Variants in CACNA1C observed in about 807,000 individuals in gnomAD.
The protein encoded by CACNA1C is voltage-dependent L-type calcium channel subunit alpha-1C.
A neutral mutation model predicts 229.0 loss-of-function variants in CACNA1C; 30 were observed. The observed-to-expected ratio is 0.13, with a 90% CI of 0.10 to 0.18. The LOEUF (loss-of-function observed/expected upper bound fraction) is 0.18, where lower values mean the gene tolerates loss of function less well. CACNA1C is among the 10% of genes least tolerant of loss of function. The pLI, the probability that CACNA1C is intolerant of heterozygous loss-of-function variation, is 1.00. For missense variants in CACNA1C, 1,658 were observed against 2,845.0 expected (o/e 0.58, Z 9.49); for synonymous variants, 1,114 against 1,132.5 (o/e 0.98, Z 0.33).
intron 3 of CACNA1C, among the ~76,000 whole-genome samples, chr12:2,262,399 G>A (rs754040761): frequency 1.3e-5 from 2 of 152,212 alleles, no homozygotes. Flanking sequence ...CTGTTTTCTT[G>A]TTCATCTCCC....
chr12:2,420,904 C>G (rs1278809489), intron 3 of CACNA1C, among the ~76,000 whole-genome samples: 1 of 152,204 alleles, frequency 6.6e-6, no homozygotes, highest in Admixed American at 6.5e-5. Flanking sequence ...CCCCGAATGT[C>G]CTTGGGGGTG....
intron 29 of CACNA1C, among the ~76,000 whole-genome samples, chr12:2,620,545 G>A (rs57714812): frequency 0.02 from 3,065 of 152,292 alleles, 108 homozygotes; most frequent in African/African-American, 0.07. Flanking sequence ...CTTCTCTGAG[G>A]CCCCTTGCCG....
chr12:2,427,895 C>T (rs936218383), intron 3 of CACNA1C, among the ~76,000 whole-genome samples: 3 of 152,170 alleles, frequency 2.0e-5, no homozygotes, highest in African/African-American at 4.8e-5. Context: ...GCTGGGATTA[C>T]AGGCGTGAGC....
intron 3 of CACNA1C, among the ~76,000 whole-genome samples, chr12:2,372,937 C>G (rs2097910759): frequency 6.6e-6 from 1 of 152,246 alleles, no homozygotes; most frequent in Non-Finnish European, 1.5e-5. Flanking sequence ...GAGAGGCCAG[C>G]AAGTCCGGTG....
rs904075435 is a variant in CACNA1C at position 2,135,411 on chromosome 12, T to C, written c.477+14981T>C. On this transcript the variant is annotated intron_variant, in intron 3 of 46. Coordinates refer to ENST00000399655, the MANE Select transcript of CACNA1C (RefSeq NM_000719.7). ...ATTTTTAGAGCTTCCAGTTTTTCTGTTCTGTTTTTTCCCCATCTTTGTGGT... is the reference window on the plus strand; with the variant it reads ...ATTTTTAGAGCTTCCAGTTTTTCTGCTCTGTTTTTTCCCCATCTTTGTGGT... Among the ~76,000 whole-genome samples the C allele has an allele frequency of 1.0e-3, 146 of 143,584 alleles. 4 individuals are homozygous for C. In the Middle Eastern group the frequency reaches 0.02, roughly 20 times the overall value. The allele number at this position is 143,584 out of a possible 152,430, so 94.2% of individuals were successfully genotyped here.
chr12:2,135,632 C>G (rs1230450298), intron 3 of CACNA1C, among the ~76,000 whole-genome samples: 2 of 140,954 alleles, frequency 1.4e-5, no homozygotes, highest in Non-Finnish European at 3.0e-5. Context: ...GGTCAGGGGT[C>G]AGGGACCCAC....
intron 13 of CACNA1C, among the ~76,000 whole-genome samples, chr12:2,574,417 GAC>G (rs2057586055): frequency 6.6e-6 from 1 of 152,168 alleles, no homozygotes; most frequent in East Asian, 1.9e-4. Flanking sequence ...TCTCATTTTT[GAC>G]ACACTTGGTT....
chr12:2,061,522 A>C (rs1232252994), intron 1 of CACNA1C, among the ~76,000 whole-genome samples: 1 of 134,948 alleles, frequency 7.4e-6, no homozygotes, highest in Admixed American at 7.1e-5. Flanking sequence ...GTAGGCTCCC[A>C]GGACGGTGGA....
At chr12:2,556,858 C>T (rs1053063697) in intron 10 of CACNA1C, 93 bp from the exon 11 acceptor site, 54 of 1,031,970 alleles carry the variant, frequency 5.2e-5, no homozygotes, top group Admixed American at 3.3e-4. Context: ...ACGAAATTAC[C>T]TGGGGAACAT....
rs2093722372 is a variant in CACNA1C at position 2,293,604 on chromosome 12, G to A, written c.478-155372G>A. Among the ~76,000 whole-genome samples the A allele has an allele frequency of 7.9e-5, 12 of 152,212 alleles. No individual in the cohort carries two copies. In the South Asian group the frequency reaches 2.5e-3, roughly 32 times the overall value. On this transcript the variant is annotated intron_variant, in intron 3 of 46. Coordinates refer to ENST00000399655, the MANE Select transcript of CACNA1C (RefSeq NM_000719.7). Reference sequence around the variant, plus strand: ...AGCTCACCAGCTATCACTAGTGTTAGTGTATTTTATGTATGGCCCAAGACA... The same window carrying A: ...AGCTCACCAGCTATCACTAGTGTTAATGTATTTTATGTATGGCCCAAGACA...
intron 29 of CACNA1C, among the ~76,000 whole-genome samples, chr12:2,616,753 C>T (rs992891272): frequency 4.6e-5 from 7 of 152,266 alleles, no homozygotes; most frequent in Non-Finnish European, 1.0e-4. Flanking sequence ...TAGCTGACCC[C>T]CTCTGGGGTG....
At chr12:1,979,169 A>G (rs1353204486) in intron 1 of CACNA1C, among the ~76,000 whole-genome samples, 1 of 151,994 alleles carries the variant, frequency 6.6e-6, no homozygotes, top group African/African-American at 2.4e-5. Flanking sequence ...CCCGCCATCG[A>G]GCCTGGCTAA....
intron 3 of CACNA1C, among the ~76,000 whole-genome samples, chr12:2,243,789 C>T (rs1004998388): frequency 6.6e-6 from 1 of 152,174 alleles, no homozygotes; most frequent in East Asian, 1.9e-4. Flanking sequence ...TCTGGTTTTG[C>T]CAATGCTGGG....
At chr12:2,477,507 C>T (rs1037880911) in intron 5 of CACNA1C, among the ~76,000 whole-genome samples, 1 of 152,206 alleles carries the variant, frequency 6.6e-6, no homozygotes, top group African/African-American at 2.4e-5. Context: ...ACCACATCTG[C>T]TCTCCACCCT....
At chr12:2,093,398 A>G (rs887827043) in intron 1 of CACNA1C, among the ~76,000 whole-genome samples, 12 of 152,246 alleles carry the variant, frequency 7.9e-5, no homozygotes, top group Non-Finnish European at 1.5e-4. Context: ...GGAATGAGAC[A>G]GGACTCTGCT....
intron 13 of CACNA1C, among the ~76,000 whole-genome samples, chr12:2,568,807 T>G (rs2052730181): frequency 6.6e-6 from 1 of 151,870 alleles, no homozygotes. Flanking sequence ...GTTCTGGAGA[T>G]GGAGGATGGT....
chr12:2,205,226 G>A (rs559247920), intron 3 of CACNA1C, among the ~76,000 whole-genome samples: 2 of 152,186 alleles, frequency 1.3e-5, no homozygotes, highest in Non-Finnish European at 1.5e-5. Flanking sequence ...ACTTCTGCAC[G>A]TTACACTGGG....
chr12:2,211,109 A>C (rs59218356), intron 3 of CACNA1C, among the ~76,000 whole-genome samples: 2,418 of 152,266 alleles, frequency 0.016, 46 homozygotes, highest in African/African-American at 0.053. Context: ...CCTACTGAAA[A>C]CCCAGGAATC....
chr12:2,443,708 G>A, intron 3 of CACNA1C, among the ~76,000 whole-genome samples: 1 of 152,216 alleles, frequency 6.6e-6, no homozygotes, highest in Admixed American at 6.5e-5. Context: ...CCACGGAACT[G>A]TATATTCAAG....
Sources: gnomAD v4.1 joint callset for allele counts (sites outside exome capture counted in the v4.1 genomes callset) on GRCh38, gnomAD v4.1.1 for gene constraint, MANE v1.5 for transcripts, NCBI Gene and HGNC (gene_info 2026-07-23, HGNC 2026-07-21) for gene names.